Variants in NEGR1 observed in about 807,000 individuals in gnomAD.
NEGR1 encodes IgLON family member 4.
NEGR1 carries 10 observed loss-of-function variants against 40.9 expected under a neutral mutation model. That is an observed-to-expected ratio of 0.24 (90% CI 0.15 to 0.42). NEGR1 has a LOEUF of 0.42. Ranked by LOEUF, NEGR1 falls within the 10% of genes least tolerant of loss-of-function variation. NEGR1 has a pLI of 1.00. For missense variants in NEGR1, 352 were observed against 438.9 expected (o/e 0.80, Z 1.77); for synonymous variants, 185 against 166.8 (o/e 1.11, Z -0.84).
intron 2 of NEGR1, among the ~76,000 whole-genome samples, chr1:71,821,414 C>G (rs1397048828): frequency 6.6e-6 from 1 of 151,918 alleles, no homozygotes; most frequent in Non-Finnish European, 1.5e-5. Flanking sequence ...CATTTTGTAC[C>G]TCCTAACACA....
At chr1:71,437,336 G>C (rs1314276664) in intron 6 of NEGR1, among the ~76,000 whole-genome samples, 1 of 152,056 alleles carries the variant, frequency 6.6e-6, no homozygotes, top group African/African-American at 2.4e-5. Flanking sequence ...TTCTAAAATT[G>C]ATGTGGTGAT....
chr1:71,455,355 A>T (rs1449815048), intron 6 of NEGR1, among the ~76,000 whole-genome samples: 2 of 152,228 alleles, frequency 1.3e-5, no homozygotes, highest in Non-Finnish European at 2.9e-5. Context: ...GTAGGTGATC[A>T]GATGAAAGTC....
chr1:71,568,452 T>C (rs1426118996), intron 6 of NEGR1, among the ~76,000 whole-genome samples: 1 of 152,194 alleles, frequency 6.6e-6, no homozygotes, highest in Non-Finnish European at 1.5e-5. Flanking sequence ...CCTGAGGACC[T>C]TGGAGGTTAT....
At chr1:71,740,245 C>T (rs572101728) in intron 3 of NEGR1, among the ~76,000 whole-genome samples, 200 of 152,256 alleles carry the variant, frequency 1.3e-3, no homozygotes, top group Middle Eastern at 6.8e-3. Context: ...TTCTCCATTT[C>T]GGCCTCTAAT....
chr1:72,200,475 T>C (rs1167240016), intron 1 of NEGR1, among the ~76,000 whole-genome samples: 2 of 151,748 alleles, frequency 1.3e-5, no homozygotes, highest in African/African-American at 2.4e-5. Context: ...TGAATACACA[T>C]GGACACAAAG....
At position 71,407,404 on chromosome 1, in the gene NEGR1, A is replaced by G; in HGVS notation, c.*42T>C. The stretch of plus-strand genomic sequence containing the variant: ...TACCAGATTGGATCCAGCCATCAGC[A>G]CTTTCAGAGAATCCTTAAAAGCCTT... On this transcript the variant is annotated 3_prime_UTR_variant, in exon 7 of 7. Transcript: ENST00000357731. The G allele has an allele frequency of 6.3e-7, 1 of 1,598,058 alleles. No individual in the cohort carries two copies. Among genetic ancestry groups the G allele is most frequent in the Non-Finnish European group, 8.6e-7 (1 of 1,168,676 alleles).
At chr1:71,777,080 C>T (rs540397563) in intron 2 of NEGR1, among the ~76,000 whole-genome samples, 13 of 152,076 alleles carry the variant, frequency 8.5e-5, no homozygotes, top group African/African-American at 1.7e-4. Context: ...ATAATACATT[C>T]GGGAAATGTT....
At chr1:72,275,764 T>C (rs1656030552) in intron 1 of NEGR1, among the ~76,000 whole-genome samples, 1 of 152,098 alleles carries the variant, frequency 6.6e-6, no homozygotes, top group Non-Finnish European at 1.5e-5. Context: ...CTTTTAGAAA[T>C]TGTTTTACAG....
intron 6 of NEGR1, among the ~76,000 whole-genome samples, chr1:71,432,684 C>A (rs549006632): frequency 6.6e-6 from 1 of 152,328 alleles, no homozygotes; most frequent in South Asian, 2.1e-4. Context: ...CATTTCAATT[C>A]CAAAGATAAC....
At chr1:71,513,296 C>G (rs970609515) in intron 6 of NEGR1, among the ~76,000 whole-genome samples, 4 of 152,128 alleles carry the variant, frequency 2.6e-5, no homozygotes, top group African/African-American at 9.7e-5. Flanking sequence ...CTCCACCTCT[C>G]AAAAAAGTGA....
intron 1 of NEGR1, among the ~76,000 whole-genome samples, chr1:72,215,405 A>G (rs142319382): frequency 8.7e-4 from 132 of 152,290 alleles, no homozygotes; most frequent in African/African-American, 3.1e-3. Flanking sequence ...CAGTAACAGA[A>G]ATTATTATCA....
At chr1:71,799,358 T>A (rs1202597261) in intron 2 of NEGR1, among the ~76,000 whole-genome samples, 1 of 152,212 alleles carries the variant, frequency 6.6e-6, no homozygotes, top group Non-Finnish European at 1.5e-5. Context: ...TCCATGTTCC[T>A]GCAAAGGACA....
At chr1:71,733,846 A>C (rs1169961508) in intron 3 of NEGR1, among the ~76,000 whole-genome samples, 1 of 152,166 alleles carries the variant, frequency 6.6e-6, no homozygotes, top group Non-Finnish European at 1.5e-5. Flanking sequence ...AAATCCAAGA[A>C]ACTTGATGTG....
chr1:71,525,628 T>C (rs2101436567), intron 6 of NEGR1, among the ~76,000 whole-genome samples: 1 of 151,760 alleles, frequency 6.6e-6, no homozygotes, highest in East Asian at 1.9e-4. Flanking sequence ...AAAAAACTTG[T>C]TTCCTGTTCT....
At chr1:71,982,600 T>G (rs754979185) in intron 1 of NEGR1, among the ~76,000 whole-genome samples, 2 of 152,200 alleles carry the variant, frequency 1.3e-5, no homozygotes, top group African/African-American at 2.4e-5. Context: ...GCTTATTTTA[T>G]TACAGTGCAT....
At chr1:71,542,965 TACATACATAC>T (rs1358754635) in intron 6 of NEGR1, among the ~76,000 whole-genome samples, 1 of 151,640 alleles carries the variant, frequency 6.6e-6, no homozygotes, top group African/African-American at 2.4e-5. Flanking sequence ...GTAAGGTGAA[TACATACATAC>T]ACATACATAT....
At chr1:71,992,610 T>C (rs1036199471) in intron 1 of NEGR1, among the ~76,000 whole-genome samples, 3 of 152,352 alleles carry the variant, frequency 2.0e-5, no homozygotes, top group African/African-American at 7.2e-5. Context: ...CCTTTTTATA[T>C]GCAGTCTTTG....
intron 6 of NEGR1, among the ~76,000 whole-genome samples, chr1:71,588,957 A>T (rs1394640793): frequency 6.6e-6 from 1 of 152,154 alleles, no homozygotes; most frequent in Non-Finnish European, 1.5e-5. Flanking sequence ...TAAAGGCATA[A>T]CATCAGCCTT....
intron 6 of NEGR1, among the ~76,000 whole-genome samples, chr1:71,592,254 C>T (rs962137625): frequency 6.6e-5 from 10 of 151,952 alleles, no homozygotes; most frequent in African/African-American, 2.2e-4. Context: ...AAGTAAGATA[C>T]ATTAGAAATG....
Sources: gnomAD v4.1 joint callset for allele counts (sites outside exome capture counted in the v4.1 genomes callset) on GRCh38, gnomAD v4.1.1 for gene constraint, MANE v1.5 for transcripts, NCBI Gene and HGNC (gene_info 2026-07-23, HGNC 2026-07-21) for gene names.